The following NREP variants were observed in gnomAD, a reference collection of about 807,000 sequenced individuals.
NREP encodes neuronal regeneration-related protein.
NREP carries 5 observed loss-of-function variants against 8.6 expected under a neutral mutation model. The observed-to-expected ratio is 0.58, with a 90% CI of 0.30 to 1.22. The LOEUF is 1.22. Among genes scored for constraint, NREP ranks in the 50% most tolerant of loss-of-function variants. NREP has a pLI of 0.07. For missense variants in NREP, 86 were observed against 82.5 expected (o/e 1.04, Z -0.17); for synonymous variants, 27 against 28.0 (o/e 0.96, Z 0.11).
At chr5:111,892,892 C>T (rs1158605996) in intron 2 of NREP, among the ~76,000 whole-genome samples, 1 of 152,098 alleles carries the variant, frequency 6.6e-6, no homozygotes, top group Non-Finnish European at 1.5e-5. Flanking sequence ...AAAAGCCAAG[C>T]CCACCAGCAA....
In NREP at chr5:111,768,166, C is replaced by T. The variant is rs565875351; in HGVS notation, c.136-32659G>A. ...AAAGCAAATAAACAAAAAGAAGCTG[C>T]CCCTCTCTCTGTCTGTGAGGTAGAA... On this transcript the variant is annotated intron_variant, in intron 2 of 3. Transcript: ENST00000395634. Among the ~76,000 whole-genome samples the T allele has an allele frequency of 7.9e-5, 12 of 152,216 alleles. No homozygotes were observed. The South Asian group carries it at 2.5e-3, about 32-fold the overall frequency.
chr5:111,970,488 C>T (rs965142395), intron 2 of NREP, among the ~76,000 whole-genome samples: 2 of 152,134 alleles, frequency 1.3e-5, no homozygotes, highest in African/African-American at 2.4e-5. Flanking sequence ...TTCCCATTCC[C>T]CACCACCTCA....
At chr5:111,893,409 T>A (rs756234797) in intron 2 of NREP, among the ~76,000 whole-genome samples, 3 of 152,040 alleles carry the variant, frequency 2.0e-5, no homozygotes, top group Non-Finnish European at 4.4e-5. Context: ...TTACAGCTTT[T>A]TTTTCCCTTC....
At chr5:111,760,500 A>T (rs556071544), upstream of NREP, among the ~76,000 whole-genome samples, 2 of 152,354 alleles carry the variant, frequency 1.3e-5, no homozygotes, top group South Asian at 4.1e-4. Context: ...AGACAGCCAA[A>T]GCCAAAGTGA....
chr5:111,811,175 C>G (rs1752261386), intron 2 of NREP, among the ~76,000 whole-genome samples: 1 of 152,160 alleles, frequency 6.6e-6, no homozygotes, highest in Admixed American at 6.5e-5. Flanking sequence ...TAGACCCACT[C>G]TTGTCATCAG....
At chr5:111,933,093 A>T (rs1409360862) in intron 2 of NREP, among the ~76,000 whole-genome samples, 1 of 152,044 alleles carries the variant, frequency 6.6e-6, no homozygotes, top group East Asian at 1.9e-4. Context: ...AATTTTTTTG[A>T]CTCTTAAAAT....
chr5:111,735,302 A>G, intron 3 of NREP, 128 bp downstream of exon 3: 1 of 575,652 alleles, frequency 1.7e-6, no homozygotes, highest in Non-Finnish European at 3.1e-6. Context: ...CAAGGTCATC[A>G]TAGTATCAGA....
At chr5:111,756,674 T>C (rs1750732226) in intron 1 of NREP, among the ~76,000 whole-genome samples, 1 of 152,088 alleles carries the variant, frequency 6.6e-6, no homozygotes, top group Admixed American at 6.5e-5. Context: ...TGCTGCAAGA[T>C]CGAATGCCTA....
chr5:111,799,117 A>T (rs1342347445), intron 2 of NREP, among the ~76,000 whole-genome samples: 1 of 152,066 alleles, frequency 6.6e-6, no homozygotes, highest in Non-Finnish European at 1.5e-5. Context: ...ATTCTGTTCC[A>T]TTGGTCTATG....
At chr5:111,904,018 T>C (rs1382003269) in intron 2 of NREP, among the ~76,000 whole-genome samples, 1 of 152,180 alleles carries the variant, frequency 6.6e-6, no homozygotes, top group African/African-American at 2.4e-5. Context: ...ACATTAATAC[T>C]TGAGAAACAT....
chr5:111,788,549 A>G (rs191924431), intron 2 of NREP, among the ~76,000 whole-genome samples: 1 of 152,362 alleles, frequency 6.6e-6, no homozygotes, highest in African/African-American at 2.4e-5. Flanking sequence ...AACATAATTC[A>G]GTCTCACATG....
chr5:111,844,983 G>A (rs143809557), intron 2 of NREP, among the ~76,000 whole-genome samples: 1,533 of 152,000 alleles, frequency 0.01, 79 homozygotes, highest in Admixed American at 0.089. Context: ...ATGTGGGCTG[G>A]CCTGCCACTG....
chr5:111,930,819 C>A (rs534669212), intron 2 of NREP, among the ~76,000 whole-genome samples: 1 of 152,260 alleles, frequency 6.6e-6, no homozygotes, highest in African/African-American at 2.4e-5. Context: ...GAGCATCTGA[C>A]ACAGATGTGG....
At chr5:111,829,098 G>GA (rs200366779) in intron 2 of NREP, among the ~76,000 whole-genome samples, 103 of 142,502 alleles carry the variant, frequency 7.2e-4, no homozygotes, top group Admixed American at 1.3e-3. Context: ...AGTGTATCTG[G>GA]AAAAAAAAAA....
chr5:111,831,885 G>T (rs561385213), intron 2 of NREP, among the ~76,000 whole-genome samples: 1 of 152,224 alleles, frequency 6.6e-6, no homozygotes, highest in East Asian at 1.9e-4. Context: ...GCCACTATCT[G>T]GCCCTCTTGT....
At chr5:111,914,663 T>A (rs1188828698) in intron 2 of NREP, among the ~76,000 whole-genome samples, 1 of 152,096 alleles carries the variant, frequency 6.6e-6, no homozygotes, top group Non-Finnish European at 1.5e-5. Flanking sequence ...GTGTACCCTT[T>A]CTGCAGAAAG....
chr5:111,919,869 G>GAGAAAGAAATAAAGAA (rs1554053090), intron 2 of NREP, among the ~76,000 whole-genome samples: 1 of 125,034 alleles, frequency 8.0e-6, no homozygotes, highest in East Asian at 2.6e-4. Flanking sequence ...CTTGAAGAGA[G>GAGAAAGAAATAAAGAA]AGAAAGAAAG....
chr5:111,735,145 C>T (rs1748984784), intron 3 of NREP: 1 of 332,860 alleles, frequency 3.0e-6, no homozygotes, highest in Non-Finnish European at 5.5e-6. Flanking sequence ...GTTTGTCTAA[C>T]CAGAAATGGA....
chr5:111,940,306 A>G (rs1456612331), intron 2 of NREP, among the ~76,000 whole-genome samples: 1 of 152,086 alleles, frequency 6.6e-6, no homozygotes, highest in East Asian at 1.9e-4. Flanking sequence ...TAAAACAAAA[A>G]CAGTTCTTGA....
Sources: gnomAD v4.1 joint callset for allele counts (sites outside exome capture counted in the v4.1 genomes callset) on GRCh38, gnomAD v4.1.1 for gene constraint, MANE v1.5 for transcripts, NCBI Gene and HGNC (gene_info 2026-07-23, HGNC 2026-07-21) for gene names.